Variants in XKR4 observed in about 807,000 individuals in gnomAD.
XKR4 encodes the protein XK related 4.
A neutral mutation model predicts 53.9 loss-of-function variants in XKR4; 12 were observed. The ratio of observed to expected loss-of-function variants is 0.22; its 90% CI spans 0.14 to 0.36. XKR4 has a LOEUF of 0.36. Ranked by LOEUF, XKR4 falls within the 10% of genes least tolerant of loss-of-function variation. XKR4 has a pLI of 1.00. For synonymous variants in XKR4, 354 were observed against 362.4 expected (o/e 0.98, Z 0.26); for missense variants, 799 against 859.5 (o/e 0.93, Z 0.88).
chr8:55,466,444 A>T (rs1484878431), intron 2 of XKR4, among the ~76,000 whole-genome samples: 1 of 152,024 alleles, frequency 6.6e-6, no homozygotes, highest in Non-Finnish European at 1.5e-5. Flanking sequence ...ATGAGAACAC[A>T]TGGACACAGG....
chr8:55,251,408 T>A (rs555186687), intron 1 of XKR4, among the ~76,000 whole-genome samples: 2 of 152,350 alleles, frequency 1.3e-5, no homozygotes, highest in East Asian at 3.9e-4. Flanking sequence ...TGCATATAAG[T>A]GGCAGTTGGC....
intron 1 of XKR4, among the ~76,000 whole-genome samples, chr8:55,260,037 T>C (rs1335994711): frequency 6.6e-6 from 1 of 152,138 alleles, no homozygotes; most frequent in Non-Finnish European, 1.5e-5. Flanking sequence ...CTATCTCACT[T>C]GCTGTCTATC....
intron 1 of XKR4, among the ~76,000 whole-genome samples, chr8:55,121,219 T>C (rs2129351981): frequency 6.6e-6 from 1 of 152,350 alleles, no homozygotes; most frequent in East Asian, 1.9e-4. Context: ...TTCAATTTAT[T>C]TGGGTAGATA....
At chr8:55,148,056 G>A (rs993173954) in intron 1 of XKR4, among the ~76,000 whole-genome samples, 22 of 152,136 alleles carry the variant, frequency 1.4e-4, no homozygotes, top group African/African-American at 4.8e-4. Flanking sequence ...TGAATTACAA[G>A]TGCACTGGTC....
At chr8:55,440,145 G>A (rs142210741) in intron 2 of XKR4, among the ~76,000 whole-genome samples, 1 of 152,132 alleles carries the variant, frequency 6.6e-6, no homozygotes, top group Non-Finnish European at 1.5e-5. Context: ...CCAGAATATA[G>A]TATGTTTTAG....
intron 2 of XKR4, chr8:55,517,239 G>C (rs532101983): frequency 6.6e-6 from 1 of 152,008 alleles, no homozygotes; most frequent in South Asian, 2.1e-4. Context: ...TACAACATAG[G>C]CATGCAAGAA....
chr8:55,445,373 A>G (rs568902502), intron 2 of XKR4, among the ~76,000 whole-genome samples: 30 of 152,282 alleles, frequency 2.0e-4, no homozygotes, highest in African/African-American at 6.7e-4. Flanking sequence ...GTGAATGTTT[A>G]AAACACAATG....
chr8:55,517,142 G>A (rs1296663367), intron 2 of XKR4: 1 of 152,200 alleles, frequency 6.6e-6, no homozygotes, highest in Non-Finnish European at 1.5e-5. Context: ...GAGAGTGGAG[G>A]GGGGTGAGGG....
At chr8:55,266,578 G>A (rs1818604779) in intron 1 of XKR4, among the ~76,000 whole-genome samples, 1 of 152,150 alleles carries the variant, frequency 6.6e-6, no homozygotes, top group Admixed American at 6.5e-5. Context: ...CTAGTCAGTT[G>A]CAACCAGAAT....
intron 1 of XKR4, among the ~76,000 whole-genome samples, chr8:55,355,424 C>T (rs1169118161): frequency 1.3e-5 from 2 of 151,946 alleles, no homozygotes; most frequent in African/African-American, 4.8e-5. Context: ...AGAAGAAAGA[C>T]AAAGCAATGG....
At chr8:55,451,402 CCG>C in intron 2 of XKR4, 1 of 907,248 alleles carries the variant, frequency 1.1e-6, no homozygotes, top group Admixed American at 2.1e-5. Context: ...TGTGTTGCGT[CCG>C]GACGCACTGG....
intron 2 of XKR4, among the ~76,000 whole-genome samples, chr8:55,436,407 C>T (rs1408130002): frequency 6.6e-6 from 1 of 152,160 alleles, no homozygotes; most frequent in East Asian, 1.9e-4. Flanking sequence ...ATGTATTTGA[C>T]AAGTTCCTGA....
At chr8:55,452,435 C>T (rs1427921364) in intron 2 of XKR4, 29 of 623,754 alleles carry the variant, frequency 4.6e-5, no homozygotes, top group Middle Eastern at 2.6e-4. Context: ...CTGGCCACCC[C>T]GCACTGCCCG....
intron 1 of XKR4, among the ~76,000 whole-genome samples, chr8:55,290,164 C>T (rs1818998752): frequency 1.3e-5 from 2 of 150,652 alleles, no homozygotes; most frequent in South Asian, 4.2e-4. Flanking sequence ...GAGTCTCACC[C>T]TGTCACCCGG....
Position 55,131,140 on chromosome 8 carries a change from C to T in XKR4, c.806+27846C>T, listed in dbSNP as rs185706203. Among the ~76,000 whole-genome samples, 9 of 133,174 alleles carry T rather than the reference C, an allele frequency of 6.8e-5. No homozygotes were observed. In the South Asian group the frequency reaches 1.2e-3, roughly 18 times the overall value. The allele number at this position is 133,174 out of a possible 152,430, so 87.4% of individuals were successfully genotyped here. A position where few individuals can be genotyped will look rare whatever the true frequency, so the allele number is the denominator to read the frequency against. On this transcript the variant is annotated intron_variant, in intron 1 of 2. Transcript: ENST00000327381. ...CACCATTGCACTCCAGCCTGGGCAACAAGAGCGAAATGGCTGTCTCAAAAA... is the reference window on the plus strand; with the variant it reads ...CACCATTGCACTCCAGCCTGGGCAATAAGAGCGAAATGGCTGTCTCAAAAA...
chr8:55,219,220 G>A (rs1425878861), intron 1 of XKR4, among the ~76,000 whole-genome samples: 1 of 152,144 alleles, frequency 6.6e-6, no homozygotes, highest in East Asian at 1.9e-4. Context: ...GTTGTTTGCC[G>A]GGCCCTTAAG....
At chr8:55,286,560 C>T (rs985201586) in intron 1 of XKR4, among the ~76,000 whole-genome samples, 5 of 152,212 alleles carry the variant, frequency 3.3e-5, no homozygotes, top group South Asian at 2.1e-4. Flanking sequence ...CAGCAGTGAG[C>T]GTCCCTGGAG....
intron 1 of XKR4, among the ~76,000 whole-genome samples, chr8:55,302,300 G>C (rs1293362615): frequency 2.0e-5 from 3 of 152,108 alleles, no homozygotes; most frequent in Non-Finnish European, 4.4e-5. Context: ...AAGATCAGAT[G>C]GTTGTAGATA....
intron 2 of XKR4, chr8:55,453,129 C>G (rs1040219061): frequency 5.7e-6 from 3 of 528,342 alleles, no homozygotes; most frequent in South Asian, 1.5e-5. Context: ...CCCAGTAGAA[C>G]ACGGCCTCCC....
Sources: gnomAD v4.1 joint callset for allele counts (sites outside exome capture counted in the v4.1 genomes callset) on GRCh38, gnomAD v4.1.1 for gene constraint, MANE v1.5 for transcripts, NCBI Gene and HGNC (gene_info 2026-07-23, HGNC 2026-07-21) for gene names.